Variants in KLF7 observed in about 807,000 individuals in gnomAD.
KLF7 encodes KLF transcription factor 7.
A neutral mutation model predicts 27.3 loss-of-function variants in KLF7; 2 were observed. That is an observed-to-expected ratio of 0.07 (90% CI 0.03 to 0.23). The LOEUF (loss-of-function observed/expected upper bound fraction) is 0.23, where lower values mean the gene tolerates loss of function less well. Ranked by LOEUF, KLF7 falls within the 10% of genes least tolerant of loss-of-function variation. The probability of loss-of-function intolerance (pLI) is 1.00; values close to 1 mark genes in which losing one functional copy is unlikely to be tolerated. For missense variants in KLF7, 221 were observed against 394.1 expected, an observed-to-expected ratio of 0.56 and a Z score of 3.72; for synonymous variants, 165 against 162.4, an observed-to-expected ratio of 1.02 and a Z score of -0.12.
In KLF7 at chr2:207,165,491, T is replaced by C; in HGVS notation, c.78A>G (p.Pro26=). Residue 26 remains proline (P), a synonymous_variant, in exon 1 of 4, where the codon CCA becomes CCG. Coordinates refer to ENST00000309446, the MANE Select transcript of KLF7 (RefSeq NM_003709.4). ...VHDTGYFSAL[P]SLEETWQQTC... is the part of the protein sequence containing the mutation. ...CCTGCTGCCAGGTCTCCTCCAGGGATGGTAAAGCTGAGAAGTAGCCGGTGT... is the reference window on the plus strand; with the variant it reads ...CCTGCTGCCAGGTCTCCTCCAGGGACGGTAAAGCTGAGAAGTAGCCGGTGT... The C allele has an allele frequency of 1.2e-6, 2 of 1,614,036 alleles. No homozygotes were observed. The highest frequency in any genetic ancestry group is 1.7e-6 in the Non-Finnish European group (2 of 1,179,990).
chr2:207,081,852 CAAAAA>C (rs35500565), intron 3 of KLF7, among the ~76,000 whole-genome samples: 3 of 107,716 alleles, frequency 2.8e-5, no homozygotes. Context: ...ATATTCAAGT[CAAAAA>C]AAAAAAAAAA....
chr2:207,128,713 TC>T (rs2077545451), intron 1 of KLF7, among the ~76,000 whole-genome samples: 1 of 152,224 alleles, frequency 6.6e-6, no homozygotes, highest in African/African-American at 2.4e-5. Flanking sequence ...CTATGATATT[TC>T]TGTCAAAATG....
In KLF7 at chr2:207,165,900, G is replaced by A; in HGVS notation, c.-332C>T. ...CTCCAGCTCGTGGATCAGGAAGGGG[G>A]ATGCAAACTCACTGACACGAAGCTG... On this transcript the variant is annotated 5_prime_UTR_variant, in exon 1 of 4. Transcript: ENST00000309446. The A allele has an allele frequency of 3.5e-6, 4 of 1,138,310 alleles. No homozygotes were observed. The highest frequency in any genetic ancestry group is 3.2e-6 in the Non-Finnish European group (3 of 923,226). The allele number at this position is 1,138,310 out of a possible 1,614,324, so 70.5% of individuals were successfully genotyped here.
chr2:207,081,307 AACAGC>A, intron 3 of KLF7, 43 bp from the exon 4 acceptor site: 1 of 1,500,784 alleles, frequency 6.7e-7, no homozygotes, highest in Non-Finnish European at 9.3e-7. Context: ...ACTCCCAGCA[AACAGC>A]TTGACTTGCA....
At chr2:207,147,799 C>T (rs549721941) in intron 1 of KLF7, among the ~76,000 whole-genome samples, 2 of 152,272 alleles carry the variant, frequency 1.3e-5, no homozygotes, top group East Asian at 1.9e-4. Context: ...CACGATATGC[C>T]GGATACTAAC....
At chr2:207,106,825 G>T (rs558432451) in intron 2 of KLF7, among the ~76,000 whole-genome samples, 15 of 152,306 alleles carry the variant, frequency 9.8e-5, no homozygotes, top group Admixed American at 7.2e-4. Flanking sequence ...GTGGGATGGA[G>T]TGGGGTGGAA....
At position 207,151,447 on chromosome 2, in the gene KLF7, T is replaced by C. The variant is rs567239067; in HGVS notation, c.102+14020A>G. On this transcript the variant is annotated intron_variant, in intron 1 of 3. Coordinates refer to ENST00000309446, the MANE Select transcript of KLF7 (RefSeq NM_003709.4). ...GTCTAATACTCCTCAAGTTCTGGTATTTGTGAAGTCCTAGTCTCTATAAAT... is the reference window on the plus strand; with the variant it reads ...GTCTAATACTCCTCAAGTTCTGGTACTTGTGAAGTCCTAGTCTCTATAAAT... 1.6e-4 allele frequency among the ~76,000 whole-genome samples: 24 copies of C among 152,132 alleles called. No individual in the cohort carries two copies. In the South Asian group the frequency reaches 3.3e-3, roughly 21 times the overall value.
chr2:207,143,147 T>C (rs370979767), intron 1 of KLF7, among the ~76,000 whole-genome samples: 11 of 151,918 alleles, frequency 7.2e-5, no homozygotes, highest in African/African-American at 2.4e-4. Flanking sequence ...CCCAAAAAGA[T>C]GGAAATAAAT....
intron 1 of KLF7, among the ~76,000 whole-genome samples, chr2:207,124,960 T>C (rs2077441315): frequency 6.6e-6 from 1 of 152,200 alleles, no homozygotes; most frequent in South Asian, 2.1e-4. Context: ...TGGGGATGGA[T>C]TCCATAACCA....
intron 3 of KLF7, among the ~76,000 whole-genome samples, chr2:207,084,867 A>G (rs2076350371): frequency 6.6e-6 from 1 of 152,138 alleles, no homozygotes; most frequent in Admixed American, 6.5e-5. Context: ...CTCGTTTATG[A>G]AAAAGGCACA....
intron 2 of KLF7, among the ~76,000 whole-genome samples, chr2:207,107,845 C>T (rs2076920446): frequency 1.3e-5 from 2 of 152,202 alleles, no homozygotes; most frequent in Non-Finnish European, 2.9e-5. Flanking sequence ...ACCCAGAGAC[C>T]TCAAAACTTC....
chr2:207,170,094 G>A (rs1305537432), upstream of KLF7, among the ~76,000 whole-genome samples: 1 of 151,234 alleles, frequency 6.6e-6, no homozygotes, highest in Non-Finnish European at 1.5e-5. Context: ...CAAACAGTTG[G>A]CCACTCTGTG....
intron 1 of KLF7, among the ~76,000 whole-genome samples, chr2:207,156,100 GCTC>G (rs10554744): frequency 0.94 from 143,721 of 152,132 alleles, 68,411 homozygotes; most frequent in East Asian, 1. Context: ...TGAGCTCTGA[GCTC>G]CTCTCCTGAT....
chr2:207,137,351 T>C (rs184363984), intron 1 of KLF7, among the ~76,000 whole-genome samples: 1 of 152,170 alleles, frequency 6.6e-6, no homozygotes, highest in Non-Finnish European at 1.5e-5. Flanking sequence ...GGACTCGTGT[T>C]TTCTGTAAGC....
At chr2:207,169,839 C>T (rs1275405101), upstream of KLF7, among the ~76,000 whole-genome samples, 3 of 151,996 alleles carry the variant, frequency 2.0e-5, no homozygotes, top group Non-Finnish European at 4.4e-5. Flanking sequence ...AGACATAGAA[C>T]TTAACTAGTG....
chr2:207,155,927 A>G (rs890507370), intron 1 of KLF7, among the ~76,000 whole-genome samples: 1 of 152,192 alleles, frequency 6.6e-6, no homozygotes, highest in African/African-American at 2.4e-5. Context: ...AATAAGCACC[A>G]ATGTTATGAC....
chr2:207,129,772 A>G (rs1174460928), intron 1 of KLF7, among the ~76,000 whole-genome samples: 5 of 152,174 alleles, frequency 3.3e-5, no homozygotes, highest in Admixed American at 6.5e-5. Context: ...ATTTGTTTGT[A>G]TCAGTATGAA....
In KLF7 at chr2:207,079,618, G is replaced by C. The variant is rs2076234503; in HGVS notation, c.*1595C>G. 2 of 152,194 alleles carry C rather than the reference G, an allele frequency of 1.3e-5. No individual in the cohort carries two copies. Among genetic ancestry groups the C allele is most frequent in the South Asian group, 4.1e-4 (2 of 4,822 alleles). The allele number at this position is 152,194 out of a possible 1,614,324, so 9.4% of individuals were successfully genotyped here. ...CTAGCTAGGAATGCGGGTAGATAGA[G>C]ACCACTACTGGATGTGTGAGTGTGG... On this transcript the variant is annotated 3_prime_UTR_variant, in exon 4 of 4. Transcript: ENST00000309446.
At chr2:207,166,953 G>T (rs2078733101), upstream of KLF7, 1 of 789,166 alleles carries the variant, frequency 1.3e-6, no homozygotes, top group African/African-American at 1.9e-5. Flanking sequence ...CGCCGCCGCC[G>T]CCCTCCCTCC....
Sources: allele counts gnomAD v4.1 joint callset (sites outside exome capture counted in the v4.1 genomes callset), GRCh38; gene constraint gnomAD v4.1.1; transcripts MANE v1.5; gene names NCBI Gene and HGNC (gene_info 2026-07-23, HGNC 2026-07-21).